Variants in ARB2A observed in about 807,000 individuals in gnomAD.
The protein encoded by ARB2A is cotranscriptional regulator ARB2A.
chr5:93,910,631 GAAC>G, the ARB2A span: 11 of 151,274 alleles, frequency 7.3e-5, no homozygotes, highest in African/African-American at 2.7e-4. Context: ...ATCCGAAATA[GAAC>G]ATGATAAATA....
the ARB2A span, among the ~76,000 whole-genome samples, chr5:93,955,796 T>C: frequency 5.9e-5 from 9 of 152,292 alleles, no homozygotes; most frequent in South Asian, 1.7e-3. Flanking sequence ...AGCTGGGTCA[T>C]GGCGGGCCAG....
At chr5:94,035,095 G>A in the ARB2A span, among the ~76,000 whole-genome samples, 1 of 151,986 alleles carries the variant, frequency 6.6e-6, no homozygotes, top group African/African-American at 2.4e-5. Flanking sequence ...GCTGTCTAGG[G>A]CTCGTCTTTT....
At chr5:94,088,348 A>G in the ARB2A span, among the ~76,000 whole-genome samples, 1 of 152,192 alleles carries the variant, frequency 6.6e-6, no homozygotes, top group Non-Finnish European at 1.5e-5. Flanking sequence ...TGACTTAAAA[A>G]ATAATAATGC....
At chr5:93,846,851 T>C in the ARB2A span, among the ~76,000 whole-genome samples, 5 of 152,264 alleles carry the variant, frequency 3.3e-5, no homozygotes, top group Admixed American at 1.3e-4. Flanking sequence ...TTGCTGAAAG[T>C]TGAAGTGATG....
chr5:93,977,996 G>A, the ARB2A span, among the ~76,000 whole-genome samples: 1 of 152,114 alleles, frequency 6.6e-6, no homozygotes, highest in East Asian at 1.9e-4. Flanking sequence ...TATACAAGCA[G>A]CCAACAAACA....
chr5:94,073,338 A>G, the ARB2A span, among the ~76,000 whole-genome samples: 1 of 152,098 alleles, frequency 6.6e-6, no homozygotes, highest in East Asian at 1.9e-4. Flanking sequence ...ATGAAGAGAA[A>G]GATTCAGAGA....
At chr5:93,984,307 A>G in the ARB2A span, among the ~76,000 whole-genome samples, 5 of 152,202 alleles carry the variant, frequency 3.3e-5, no homozygotes, top group African/African-American at 1.2e-4. Flanking sequence ...CAAACTGTTC[A>G]TATTTCTAGT....
chr5:93,642,097 C>T, the ARB2A span, among the ~76,000 whole-genome samples: 2 of 152,082 alleles, frequency 1.3e-5, no homozygotes, highest in South Asian at 4.1e-4. Flanking sequence ...CCTTGCATCT[C>T]AGCCTCTGGA....
chr5:93,860,121 C>T, the ARB2A span, among the ~76,000 whole-genome samples: 9 of 152,034 alleles, frequency 5.9e-5, no homozygotes, highest in South Asian at 1.5e-3. Context: ...GGTGAAACCC[C>T]GTCTCTACTA....
the ARB2A span, among the ~76,000 whole-genome samples, chr5:93,858,747 T>C: frequency 2.6e-5 from 4 of 152,238 alleles, no homozygotes; most frequent in African/African-American, 7.2e-5. Context: ...ATAATTGTTA[T>C]GGTTATTTAC....
At chr5:94,095,240 C>G in the ARB2A span, among the ~76,000 whole-genome samples, 3 of 152,318 alleles carry the variant, frequency 2.0e-5, no homozygotes, top group African/African-American at 7.2e-5. Flanking sequence ...GTAATAGACA[C>G]AGCCAGCCCT....
chr5:93,735,322 T>A, the ARB2A span: 5 of 152,208 alleles, frequency 3.3e-5, no homozygotes, highest in African/African-American at 1.2e-4. Flanking sequence ...TTTTAAATTA[T>A]GTGAAGCTGA....
chr5:94,019,252 CA>C, the ARB2A span, among the ~76,000 whole-genome samples: 3 of 152,056 alleles, frequency 2.0e-5, no homozygotes, highest in African/African-American at 7.2e-5. Flanking sequence ...TAGGCATGGG[CA>C]AAGACTTCAT....
the ARB2A span, among the ~76,000 whole-genome samples, chr5:93,662,269 G>T: frequency 6.6e-6 from 1 of 152,064 alleles, no homozygotes; most frequent in African/African-American, 2.4e-5. Context: ...AGCTGAGTAG[G>T]TCTCTGTTCC....
At chr5:94,023,664 A>G in the ARB2A span, among the ~76,000 whole-genome samples, 7 of 152,220 alleles carry the variant, frequency 4.6e-5, no homozygotes, top group African/African-American at 1.7e-4. Flanking sequence ...GAACTCCAGT[A>G]ACGTACCAGT....
the ARB2A span, among the ~76,000 whole-genome samples, chr5:93,924,062 T>A: frequency 6.6e-6 from 1 of 152,072 alleles, no homozygotes; most frequent in East Asian, 1.9e-4. Flanking sequence ...GCCTTCAAAT[T>A]ATATTTGAAA....
At chr5:93,722,200 T>G in the ARB2A span, among the ~76,000 whole-genome samples, 1 of 152,186 alleles carries the variant, frequency 6.6e-6, no homozygotes, top group Non-Finnish European at 1.5e-5. Context: ...CTTTGGGTAC[T>G]TAAATAAGAA....
At chr5:93,977,269 C>T in the ARB2A span, among the ~76,000 whole-genome samples, 3 of 151,384 alleles carry the variant, frequency 2.0e-5, no homozygotes, top group African/African-American at 4.9e-5. Context: ...TCACATGGAA[C>T]CAAAAAAGAG....
the ARB2A span, chr5:93,683,756 C>T: frequency 5.7e-6 from 9 of 1,582,300 alleles, no homozygotes; most frequent in African/African-American, 5.4e-5. Flanking sequence ...AGAAGGCGGA[C>T]GGAGATAAAA....
Sources: gnomAD v4.1 joint callset for allele counts (sites outside exome capture counted in the v4.1 genomes callset) on GRCh38, gnomAD v4.1.1 for gene constraint, MANE v1.5 for transcripts, NCBI Gene and HGNC (gene_info 2026-07-23, HGNC 2026-07-21) for gene names.